Variants in MBNL2 observed in about 807,000 individuals in gnomAD.
MBNL2 encodes muscleblind like splicing regulator 2, also known as muscleblind-like protein 2.
Under a neutral mutation model 41.9 loss-of-function variants are expected in MBNL2, and 17 were observed. That is an observed-to-expected ratio of 0.41 (90% CI 0.28 to 0.61). The LOEUF (loss-of-function observed/expected upper bound fraction) is 0.61. Among genes scored for constraint, MBNL2 ranks in the 20% least tolerant of loss-of-function variants. MBNL2 has a pLI of 0.35. For missense variants in MBNL2, 336 were observed against 505.6 expected (o/e 0.66, Z 3.22); for synonymous variants, 195 against 182.9 (o/e 1.07, Z -0.53).
At chr13:97,339,900 T>C (rs571138609) in intron 3 of MBNL2, among the ~76,000 whole-genome samples, 1 of 151,884 alleles carries the variant, frequency 6.6e-6, no homozygotes, top group South Asian at 2.1e-4. Context: ...TTTCCTCTTT[T>C]GTTTTAAGAA....
intron 1 of MBNL2, among the ~76,000 whole-genome samples, chr13:97,230,055 T>C (rs1235383721): frequency 6.6e-6 from 1 of 152,194 alleles, no homozygotes; most frequent in African/African-American, 2.4e-5. Flanking sequence ...CCCAGCACTT[T>C]GGTAGGCCAA....
intron 2 of MBNL2, among the ~76,000 whole-genome samples, chr13:97,319,572 C>A (rs1435842375): frequency 6.6e-6 from 1 of 152,176 alleles, no homozygotes; most frequent in South Asian, 2.1e-4. Flanking sequence ...CAATGCACAT[C>A]TATCTAGCTT....
At chr13:97,214,549 G>A in the MBNL2 span, among the ~76,000 whole-genome samples, 15 of 152,266 alleles carry the variant, frequency 9.9e-5, no homozygotes, top group South Asian at 8.3e-4. Flanking sequence ...CCTTCCATCC[G>A]ATAGCCACTG....
intron 2 of MBNL2, among the ~76,000 whole-genome samples, chr13:97,332,031 G>A (rs895847119): frequency 6.6e-6 from 1 of 152,166 alleles, no homozygotes; most frequent in African/African-American, 2.4e-5. Flanking sequence ...ACAAGTATAT[G>A]AGTGAATACA....
At chr13:97,247,066 T>G (rs1375640584) in intron 1 of MBNL2, among the ~76,000 whole-genome samples, 2 of 152,236 alleles carry the variant, frequency 1.3e-5, no homozygotes, top group Admixed American at 1.3e-4. Flanking sequence ...ACCTATTGTC[T>G]ATCTCTGAAA....
intron 1 of MBNL2, among the ~76,000 whole-genome samples, chr13:97,227,295 C>T (rs1290854669): frequency 6.6e-6 from 1 of 152,136 alleles, no homozygotes. Context: ...GGTTTATGGG[C>T]ATTGACTGCA....
At chr13:97,354,499 A>G (rs1462218163) in intron 5 of MBNL2, among the ~76,000 whole-genome samples, 2 of 152,190 alleles carry the variant, frequency 1.3e-5, no homozygotes, top group Non-Finnish European at 2.9e-5. Context: ...CCTCTAATAA[A>G]GAAAACTCCC....
At chr13:97,381,963 T>G (rs1021786530) in intron 8 of MBNL2, among the ~76,000 whole-genome samples, 1 of 152,150 alleles carries the variant, frequency 6.6e-6, no homozygotes, top group Non-Finnish European at 1.5e-5. Context: ...TTTAAAGGTA[T>G]AAAAATGTTT....
At chr13:97,281,101 A>T (rs2053314884) in intron 2 of MBNL2, among the ~76,000 whole-genome samples, 2 of 152,254 alleles carry the variant, frequency 1.3e-5, no homozygotes. Flanking sequence ...AACCTAGAAC[A>T]GTGTCTCATA....
At chr13:97,154,973 A>C in the MBNL2 span, among the ~76,000 whole-genome samples, 1 of 152,140 alleles carries the variant, frequency 6.6e-6, no homozygotes, top group Non-Finnish European at 1.5e-5. Flanking sequence ...TTTTGATTAA[A>C]AAACCTTTTG....
At chr13:97,222,236 C>A, upstream of MBNL2, 1 of 394,520 alleles carries the variant, frequency 2.5e-6, no homozygotes, top group Non-Finnish European at 4.5e-6. Flanking sequence ...GGGCCAGTTT[C>A]AGACGAGTAG....
At chr13:97,154,486 T>C in the MBNL2 span, among the ~76,000 whole-genome samples, 2 of 152,096 alleles carry the variant, frequency 1.3e-5, no homozygotes, top group Admixed American at 6.6e-5. Flanking sequence ...AGCTAATTTT[T>C]GCATTTTTAG....
At chr13:97,189,291 CTG>C in the MBNL2 span, among the ~76,000 whole-genome samples, 1 of 152,158 alleles carries the variant, frequency 6.6e-6, no homozygotes, top group Admixed American at 6.5e-5. Context: ...TTGATGGAGA[CTG>C]TGCCTTCCAT....
At chr13:97,244,345 A>C (rs1165985671) in intron 1 of MBNL2, among the ~76,000 whole-genome samples, 2 of 152,236 alleles carry the variant, frequency 1.3e-5, no homozygotes, top group African/African-American at 4.8e-5. Flanking sequence ...TGAAAGCAAC[A>C]AATTGACGGA....
Position 97,334,356 on chromosome 13 carries a change from C to A in MBNL2, c.255C>A (p.Asn85Lys). Residue 85 changes from asparagine to lysine, a missense_variant, in exon 3 of 9, where the codon AAC becomes AAA. Physicochemically the swap from Asn to Lys is moderately conservative, Grantham distance 94. Transcript: ENST00000679496. This position sits in a 1 kb window ranked among gnomAD's most constrained non-coding sequence, Gnocchi z 5.3. ...LKTQLEINGRNNLIQQKTAAA... is the reference protein window; with the variant it reads ...LKTQLEINGRKNLIQQKTAAA... ...CTCAACTAGAAATTAATGGAAGGAA[C>A]AATTTGATTCAGCAAAAAACTGCAG... 2 of 1,613,580 alleles carry A rather than the reference C, an allele frequency of 1.2e-6. No homozygotes were observed. The highest frequency in any genetic ancestry group is 1.7e-6 in the Non-Finnish European group (2 of 1,179,676).
At chr13:97,250,326 C>T (rs1273708189) in intron 1 of MBNL2, among the ~76,000 whole-genome samples, 1 of 152,106 alleles carries the variant, frequency 6.6e-6, no homozygotes, top group African/African-American at 2.4e-5. Flanking sequence ...GGTTTTAATT[C>T]TGCTGTTGAG....
the MBNL2 span, chr13:97,172,891 A>C: frequency 6.6e-6 from 1 of 152,078 alleles, no homozygotes; most frequent in Non-Finnish European, 1.5e-5. Flanking sequence ...AGTGTTTAGC[A>C]CAGAGTGGAG....
intron 2 of MBNL2, among the ~76,000 whole-genome samples, chr13:97,296,960 C>T (rs970636588): frequency 7.9e-5 from 12 of 152,138 alleles, no homozygotes; most frequent in African/African-American, 2.9e-4. Flanking sequence ...ATTTCATTTT[C>T]TCAGATAGGA....
chr13:97,334,152 A>C lies in MBNL2; in HGVS notation c.175-124A>C, dbSNP rs930843281. 2.2e-4 allele frequency: 124 copies of C among 556,752 alleles called. No homozygotes were observed. The highest frequency in any genetic ancestry group is 4.6e-4 in the Middle Eastern group (1 of 2,178). The allele number at this position is 556,752 out of a possible 1,614,324, so 34.5% of individuals were successfully genotyped here. A position where few individuals can be genotyped will look rare whatever the true frequency, so the allele number is the denominator to read the frequency against. On this transcript the variant is annotated intron_variant, in intron 2 of 8. Transcript: ENST00000679496. This position sits in a 1 kb window ranked among gnomAD's most constrained non-coding sequence, Gnocchi z 5.3. ...CATGAGCATGCGCGCGCACACCCAC[A>C]CACACACACACACACACACACACAG...
Sources: gnomAD v4.1 joint callset for allele counts (sites outside exome capture counted in the v4.1 genomes callset) on GRCh38, gnomAD v4.1.1 for gene constraint, Gnocchi (gnomAD v3.1) non-coding constraint, MANE v1.5 for transcripts, NCBI Gene and HGNC (gene_info 2026-07-23, HGNC 2026-07-21) for gene names.